The following HSD17B4 variants were observed in gnomAD, a reference collection of about 807,000 sequenced individuals.
HSD17B4 encodes the protein hydroxysteroid 17-beta dehydrogenase 4, also known as peroxisomal multifunctional enzyme type 2.
A neutral mutation model predicts 101.0 loss-of-function variants in HSD17B4; 70 were observed. The observed-to-expected ratio is 0.69, with a 90% CI of 0.57 to 0.85. The LOEUF is 0.85. HSD17B4 is among the 40% of genes least tolerant of loss of function. The probability of loss-of-function intolerance (pLI) is 0.00; values close to 1 mark genes in which losing one functional copy is unlikely to be tolerated. For missense variants in HSD17B4, 984 were observed against 892.4 expected (o/e 1.10, Z -1.31); for synonymous variants, 347 against 297.1 (o/e 1.17, Z -1.73).
intron 12 of HSD17B4, among the ~76,000 whole-genome samples, chr5:119,498,945 ATC>A (rs1434913122): frequency 6.6e-6 from 1 of 152,192 alleles, no homozygotes; most frequent in African/African-American, 2.4e-5. Context: ...TGTTTTACTC[ATC>A]TGTTTACAGT....
At chr5:119,500,062 T>C (rs1751018617) in intron 13 of HSD17B4, among the ~76,000 whole-genome samples, 1 of 152,168 alleles carries the variant, frequency 6.6e-6, no homozygotes, top group African/African-American at 2.4e-5. Context: ...CAGCATATAC[T>C]TTGATGAACA....
intron 17 of HSD17B4, among the ~76,000 whole-genome samples, chr5:119,520,683 CT>C (rs1236464298): frequency 6.6e-6 from 1 of 151,412 alleles, no homozygotes; most frequent in South Asian, 2.1e-4. Context: ...TAACCCCCAC[CT>C]TTTTTTTTCT....
At chr5:119,470,705 C>A (rs940229248) in intron 2 of HSD17B4, among the ~76,000 whole-genome samples, 1 of 152,212 alleles carries the variant, frequency 6.6e-6, no homozygotes, top group African/African-American at 2.4e-5. Context: ...GCTGAATTTT[C>A]ATGTTCTCTC....
At chr5:119,522,196 T>A (rs1753179208) in intron 17 of HSD17B4, among the ~76,000 whole-genome samples, 1 of 152,204 alleles carries the variant, frequency 6.6e-6, no homozygotes, top group Non-Finnish European at 1.5e-5. Context: ...TTTGGTTTTT[T>A]GTCCTTGCAA....
intron 17 of HSD17B4, among the ~76,000 whole-genome samples, chr5:119,519,914 G>A (rs2126854643): frequency 6.6e-6 from 1 of 152,090 alleles, no homozygotes; most frequent in South Asian, 2.1e-4. Context: ...ACATCCTCTG[G>A]TCTCATAATC....
chr5:119,488,017 A>G (rs531468496), intron 8 of HSD17B4, among the ~76,000 whole-genome samples: 2 of 152,268 alleles, frequency 1.3e-5, no homozygotes, highest in Admixed American at 6.5e-5. Flanking sequence ...TTACAGGACT[A>G]TATACACCAT....
chr5:119,534,337 A>T (rs974040993), intron 22 of HSD17B4, among the ~76,000 whole-genome samples: 9 of 151,806 alleles, frequency 5.9e-5, no homozygotes, highest in Non-Finnish European at 8.8e-5. Flanking sequence ...TGTAGAGTTA[A>T]GTCTGCATAT....
At chr5:119,482,736 G>T (rs1388744953) in intron 8 of HSD17B4, among the ~76,000 whole-genome samples, 1 of 151,972 alleles carries the variant, frequency 6.6e-6, no homozygotes. Context: ...AGTAGAGTTT[G>T]TATCTTGCAG....
At chr5:119,540,713 C>T (rs997359432) in intron 23 of HSD17B4, among the ~76,000 whole-genome samples, 1 of 152,136 alleles carries the variant, frequency 6.6e-6, no homozygotes, top group African/African-American at 2.4e-5. Context: ...AAAGTTGTTG[C>T]CTTTTCTCCA....
At chr5:119,459,675 T>C (rs1281153562) in intron 2 of HSD17B4, among the ~76,000 whole-genome samples, 1 of 152,152 alleles carries the variant, frequency 6.6e-6, no homozygotes, top group Non-Finnish European at 1.5e-5. Context: ...AGTCCCGAGA[T>C]GGCACAGGGC....
intron 12 of HSD17B4, among the ~76,000 whole-genome samples, chr5:119,498,846 C>G (rs1218636903): frequency 6.6e-6 from 1 of 152,210 alleles, no homozygotes; most frequent in Non-Finnish European, 1.5e-5. Context: ...TGCCACTGCA[C>G]TCCAGCTTGG....
intron 14 of HSD17B4, among the ~76,000 whole-genome samples, chr5:119,505,913 A>T (rs1250642677): frequency 6.6e-6 from 1 of 152,170 alleles, no homozygotes; most frequent in Non-Finnish European, 1.5e-5. Context: ...ATGGTTATTT[A>T]AAAAAATCTA....
chr5:119,499,268 T>A (rs201229203), intron 12 of HSD17B4, 49 bp from the exon 13 acceptor site: 2 of 1,309,292 alleles, frequency 1.5e-6, no homozygotes, highest in Admixed American at 1.7e-5. Flanking sequence ...AAGTTAATAG[T>A]TTTGAAAAGT....
chr5:119,539,280 T>G (rs565966226), intron 23 of HSD17B4, among the ~76,000 whole-genome samples: 1 of 152,232 alleles, frequency 6.6e-6, no homozygotes, highest in Admixed American at 6.5e-5. Context: ...GTTCATGTCC[T>G]TTGTAGGGAC....
chr5:119,527,171 A>G lies in HSD17B4; in HGVS notation c.1719A>G (p.Leu573=), dbSNP rs767065434. Residue 573 remains leucine (L), a synonymous_variant, in exon 20 of 24, where the codon CTA becomes CTG. Coordinates refer to ENST00000510025, the MANE Select transcript of HSD17B4 (RefSeq NM_000414.4). The stretch of plus-strand genomic sequence containing the variant: ...AACCAGTATATCCAGGACAAACTCT[A>G]CAAACTGAGATGTGGAAGGAAGGAA... ...FAKPVYPGQT[L]QTEMWKEGNR... 3 of 1,610,608 alleles carry G rather than the reference A, an allele frequency of 1.9e-6. No homozygotes were observed. Among genetic ancestry groups the G allele is most frequent in the South Asian group, 2.2e-5 (2 of 91,018 alleles).
chr5:119,484,310 T>A (rs1749414834), intron 8 of HSD17B4, among the ~76,000 whole-genome samples: 1 of 152,222 alleles, frequency 6.6e-6, no homozygotes, highest in Non-Finnish European at 1.5e-5. Context: ...TTGTGGAAAA[T>A]CAATCGACTG....
intron 11 of HSD17B4, among the ~76,000 whole-genome samples, 198 bp downstream of exon 11, chr5:119,494,144 C>G (rs1415172672): frequency 6.6e-6 from 1 of 152,096 alleles, no homozygotes; most frequent in African/African-American, 2.4e-5. Context: ...AGTTTTTCAG[C>G]TTTATTATAA....
chr5:119,471,643 A>T, intron 2 of HSD17B4: 1 of 1,367,098 alleles, frequency 7.3e-7, no homozygotes, highest in East Asian at 2.7e-5. Context: ...CAGCTTTCAA[A>T]ATCTATGCAA....
At chr5:119,474,300 G>A (rs1165210655) in intron 3 of HSD17B4, 101 bp from the exon 4 acceptor site, 1 of 800,826 alleles carries the variant, frequency 1.2e-6, no homozygotes, top group Admixed American at 1.7e-5. Flanking sequence ...TCTGAGTTCT[G>A]TTGGGTGAAT....
Sources: gnomAD v4.1 joint callset for allele counts (sites outside exome capture counted in the v4.1 genomes callset) on GRCh38, gnomAD v4.1.1 for gene constraint, MANE v1.5 for transcripts, NCBI Gene and HGNC (gene_info 2026-07-23, HGNC 2026-07-21) for gene names.